The following ARHGAP15 variants were observed in gnomAD, a reference collection of about 807,000 sequenced individuals.
ARHGAP15 encodes the protein Rho GTPase activating protein 15, also known as rho GTPase-activating protein 15.
ARHGAP15 carries 51 observed loss-of-function variants against 63.7 expected under a neutral mutation model. That is an observed-to-expected ratio of 0.80 (90% CI 0.64 to 1.01). The LOEUF is 1.01. Among genes scored for constraint, ARHGAP15 ranks in the 50% least tolerant of loss-of-function variants. ARHGAP15 has a pLI of 0.00. For synonymous variants in ARHGAP15, 191 were observed against 193.8 expected (o/e 0.99, Z 0.12); for missense variants, 560 against 564.6 (o/e 0.99, Z 0.08).
At chr2:143,664,921 A>AT (rs1330278599) in intron 12 of ARHGAP15, among the ~76,000 whole-genome samples, 1 of 151,864 alleles carries the variant, frequency 6.6e-6, no homozygotes, top group African/African-American at 2.4e-5. Context: ...TGTGGCAATA[A>AT]TCAATAGTTT....
At chr2:143,578,752 GAATA>G (rs1327838430) in intron 11 of ARHGAP15, among the ~76,000 whole-genome samples, 2 of 152,160 alleles carry the variant, frequency 1.3e-5, no homozygotes, top group Non-Finnish European at 2.9e-5. Flanking sequence ...TTTAAAAATT[GAATA>G]AATAATTTAG....
At chr2:143,740,287 A>G (rs1559155002) in intron 13 of ARHGAP15, among the ~76,000 whole-genome samples, 1 of 152,316 alleles carries the variant, frequency 6.6e-6, no homozygotes, top group East Asian at 1.9e-4. Flanking sequence ...CTACTGGGCT[A>G]TATGTATATG....
intron 6 of ARHGAP15, among the ~76,000 whole-genome samples, chr2:143,354,229 C>T (rs982529142): frequency 3.9e-5 from 6 of 152,096 alleles, no homozygotes; most frequent in Admixed American, 3.3e-4. Flanking sequence ...GCAGCTCCTC[C>T]CTCCAAGGAA....
intron 11 of ARHGAP15, among the ~76,000 whole-genome samples, chr2:143,594,974 C>T (rs910176743): frequency 6.6e-6 from 1 of 152,090 alleles, no homozygotes; most frequent in African/African-American, 2.4e-5. Flanking sequence ...AAGACACAAC[C>T]GTACAAGCAA....
intron 13 of ARHGAP15, among the ~76,000 whole-genome samples, chr2:143,753,684 C>T (rs1574929769): frequency 6.6e-6 from 1 of 152,042 alleles, no homozygotes; most frequent in East Asian, 1.9e-4. Context: ...GAGCATTTTA[C>T]CAAAAATAAA....
intron 2 of ARHGAP15, among the ~76,000 whole-genome samples, chr2:143,200,048 G>A (rs930049454): frequency 6.6e-6 from 1 of 152,060 alleles, no homozygotes; most frequent in Admixed American, 6.6e-5. Flanking sequence ...TTTGTCAAAG[G>A]AAAAATAGGT....
intron 13 of ARHGAP15, among the ~76,000 whole-genome samples, chr2:143,758,437 T>A (rs902054603): frequency 6.6e-6 from 1 of 150,972 alleles, no homozygotes; most frequent in Admixed American, 6.6e-5. Context: ...TGATTAGTAC[T>A]TTTTTTTTCC....
chr2:143,296,402 G>A (rs1027338015), intron 6 of ARHGAP15, among the ~76,000 whole-genome samples: 2 of 152,060 alleles, frequency 1.3e-5, no homozygotes, highest in African/African-American at 4.8e-5. Flanking sequence ...CATATTGCTA[G>A]GTGATGTAGA....
intron 12 of ARHGAP15, among the ~76,000 whole-genome samples, chr2:143,633,286 GA>G (rs1319633860): frequency 5.9e-5 from 9 of 152,118 alleles, no homozygotes; most frequent in African/African-American, 2.2e-4. Context: ...TGAAATTGAA[GA>G]AAAATACTTG....
At chr2:143,371,544 C>T (rs1403597620) in intron 6 of ARHGAP15, among the ~76,000 whole-genome samples, 1 of 152,136 alleles carries the variant, frequency 6.6e-6, no homozygotes, top group African/African-American at 2.4e-5. Flanking sequence ...GAAATGAATA[C>T]ATTCAGATTA....
chr2:143,415,772 T>G (rs1688647830), intron 6 of ARHGAP15, among the ~76,000 whole-genome samples: 1 of 152,190 alleles, frequency 6.6e-6, no homozygotes, highest in South Asian at 2.1e-4. Context: ...GGTATATATA[T>G]ACAATGGAAT....
intron 9 of ARHGAP15, among the ~76,000 whole-genome samples, chr2:143,509,730 A>T (rs186025969): frequency 5.3e-5 from 8 of 152,228 alleles, no homozygotes; most frequent in South Asian, 4.2e-4. Context: ...AATATAAAAG[A>T]TGAGAGTAGA....
At chr2:143,554,503 CA>C (rs1393649635) in intron 10 of ARHGAP15, among the ~76,000 whole-genome samples, 2 of 151,732 alleles carry the variant, frequency 1.3e-5, no homozygotes, top group Non-Finnish European at 2.9e-5. Context: ...GCTATATGCT[CA>C]AAAAAATTAA....
intron 1 of ARHGAP15, among the ~76,000 whole-genome samples, chr2:143,151,994 C>T (rs1437231847): frequency 6.6e-6 from 1 of 151,898 alleles, no homozygotes; most frequent in Non-Finnish European, 1.5e-5. Context: ...CTCTGCTTCC[C>T]TCTCAATTCA....
At chr2:143,330,108 A>C (rs1156968699) in intron 6 of ARHGAP15, among the ~76,000 whole-genome samples, 11 of 82,762 alleles carry the variant, frequency 1.3e-4, no homozygotes, top group Non-Finnish European at 1.9e-4. Context: ...AAAAAAAAAA[A>C]AAAAAAAAAA....
chr2:143,666,042 T>A (rs546859286), intron 12 of ARHGAP15, among the ~76,000 whole-genome samples: 4 of 151,504 alleles, frequency 2.6e-5, no homozygotes, highest in Non-Finnish European at 5.9e-5. Context: ...TACCAATGAC[T>A]TTCTTCACAG....
intron 9 of ARHGAP15, among the ~76,000 whole-genome samples, chr2:143,491,702 C>A (rs1274933396): frequency 6.6e-6 from 1 of 152,052 alleles, no homozygotes; most frequent in East Asian, 1.9e-4. Context: ...GTGATTTGGT[C>A]CATACCTACA....
At chr2:143,754,464 C>G (rs1196981792) in intron 13 of ARHGAP15, among the ~76,000 whole-genome samples, 1 of 152,140 alleles carries the variant, frequency 6.6e-6, no homozygotes, top group African/African-American at 2.4e-5. Flanking sequence ...CTCAGTCACT[C>G]TTCACAGAGT....
At chr2:143,363,592 G>A (rs77532894) in intron 6 of ARHGAP15, among the ~76,000 whole-genome samples, 3,822 of 152,130 alleles carry the variant, frequency 0.025, 159 homozygotes, top group African/African-American at 0.088. Context: ...GCTTGCCAAG[G>A]CTTTCCTTAA....
Sources: allele counts gnomAD v4.1 joint callset (sites outside exome capture counted in the v4.1 genomes callset), GRCh38; gene constraint gnomAD v4.1.1; transcripts MANE v1.5; gene names NCBI Gene and HGNC (gene_info 2026-07-23, HGNC 2026-07-21).